The following FAT3 variants were observed in gnomAD, a reference collection of about 807,000 sequenced individuals.
The protein encoded by FAT3 is protocadherin Fat 3.
FAT3 carries 95 observed loss-of-function variants against 310.2 expected under a neutral mutation model. The observed-to-expected ratio is 0.31, with a 90% CI of 0.26 to 0.36. FAT3 has a LOEUF of 0.36. Ranked by LOEUF, FAT3 falls within the 10% of genes least tolerant of loss-of-function variation. FAT3 has a pLI of 1.00. For synonymous variants in FAT3, 2,314 were observed against 2,192.9 expected (o/e 1.06, Z -1.54); for missense variants, 5,408 against 5,715.6 (o/e 0.95, Z 1.74).
At chr11:92,291,642 T>C (rs1946700177) in intron 1 of FAT3, among the ~76,000 whole-genome samples, 1 of 152,098 alleles carries the variant, frequency 6.6e-6, no homozygotes, top group South Asian at 2.1e-4. Flanking sequence ...TTATTTCTGC[T>C]TTCCTAGGCC....
intron 3 of FAT3, among the ~76,000 whole-genome samples, chr11:92,613,478 A>G (rs998897799): frequency 6.6e-6 from 1 of 152,220 alleles, no homozygotes; most frequent in Non-Finnish European, 1.5e-5. Context: ...ATTAGAACGA[A>G]AACTGGTTCT....
intron 2 of FAT3, among the ~76,000 whole-genome samples, chr11:92,466,287 G>T (rs903797991): frequency 6.6e-6 from 1 of 152,162 alleles, no homozygotes. Flanking sequence ...CTATCTGTAT[G>T]GATGTATGGG....
intron 3 of FAT3, among the ~76,000 whole-genome samples, chr11:92,683,230 C>A (rs1943538737): frequency 6.6e-6 from 1 of 152,136 alleles, no homozygotes; most frequent in Non-Finnish European, 1.5e-5. Flanking sequence ...GCCCACAATG[C>A]TGTTTCATAA....
intron 3 of FAT3, among the ~76,000 whole-genome samples, chr11:92,682,715 G>A (rs998686058): frequency 1.3e-5 from 2 of 152,132 alleles, no homozygotes; most frequent in Non-Finnish European, 2.9e-5. Flanking sequence ...TTGGGCAAAC[G>A]GGGATGGTTG....
chr11:92,806,744 G>A (rs910003625), intron 12 of FAT3, among the ~76,000 whole-genome samples: 1 of 152,208 alleles, frequency 6.6e-6, no homozygotes, highest in Non-Finnish European at 1.5e-5. Context: ...GGGTAACACA[G>A]CCCCAAAAAT....
At chr11:92,547,706 T>C (rs558728761) in intron 3 of FAT3, among the ~76,000 whole-genome samples, 2 of 152,092 alleles carry the variant, frequency 1.3e-5, no homozygotes, top group Non-Finnish European at 2.9e-5. Context: ...CTGTCCCTCA[T>C]CAACAGCCAT....
At chr11:92,720,457 C>G (rs909766601) in intron 4 of FAT3, among the ~76,000 whole-genome samples, 1 of 152,114 alleles carries the variant, frequency 6.6e-6, no homozygotes, top group African/African-American at 2.4e-5. Flanking sequence ...CTACATAGTT[C>G]GTTTCTATAA....
chr11:92,442,553 G>A (rs1215236779), intron 2 of FAT3, among the ~76,000 whole-genome samples: 1 of 152,110 alleles, frequency 6.6e-6, no homozygotes, highest in Non-Finnish European at 1.5e-5. Context: ...CTTTTCAAAT[G>A]TAGACTTAAT....
chr11:92,320,139 T>G (rs1947572024), intron 1 of FAT3, among the ~76,000 whole-genome samples: 1 of 152,210 alleles, frequency 6.6e-6, no homozygotes, highest in South Asian at 2.1e-4. Context: ...TTTCATTTAT[T>G]AGGTTGGTGC....
Position 92,387,063 on chromosome 11 carries a change from AGTGTGTGTGT to A in FAT3, c.3292+31698_3292+31707del, listed in dbSNP as rs67529435. ...GCAATGCCCAAGGATTATGGGAGCTAGTGTGTGTGTGTGTGTGTGTGTGTGTGTGTGTGTG... is the reference window on the plus strand; with the variant it reads ...GCAATGCCCAAGGATTATGGGAGCTAGTGTGTGTGTGTGTGTGTGTGTGTG... On this transcript the variant is annotated intron_variant, in intron 2 of 27. Coordinates refer to ENST00000525166, the MANE Select transcript of FAT3 (RefSeq NM_001367949.2). Among the ~76,000 whole-genome samples, 353 of 144,248 alleles carry A rather than the reference AGTGTGTGTGT, an allele frequency of 2.4e-3. 2 individuals carry two copies. Among genetic ancestry groups the A allele is most frequent in the African/African-American group, 8.4e-3 (319 of 37,884 alleles). 94.6% of individuals were successfully genotyped at this position (144,248 alleles called of 152,430 possible).
chr11:92,815,345 G>A (rs527711473), intron 13 of FAT3, among the ~76,000 whole-genome samples: 1 of 152,108 alleles, frequency 6.6e-6, no homozygotes, highest in African/African-American at 2.4e-5. Context: ...AGGCTGAGGA[G>A]GGCAGATCAC....
chr11:92,727,912 T>G (rs1945047026), intron 4 of FAT3, among the ~76,000 whole-genome samples: 1 of 152,208 alleles, frequency 6.6e-6, no homozygotes, highest in African/African-American at 2.4e-5. Flanking sequence ...CTTGGCTGCT[T>G]TTTATTTTTA....
At chr11:92,493,565 G>A (rs1952667548) in intron 2 of FAT3, among the ~76,000 whole-genome samples, 1 of 152,064 alleles carries the variant, frequency 6.6e-6, no homozygotes, top group African/African-American at 2.4e-5. Context: ...GGGCTTGAAT[G>A]TTCCTTCTAG....
At chr11:92,749,374 A>G (rs929193033) in intron 4 of FAT3, among the ~76,000 whole-genome samples, 1 of 152,194 alleles carries the variant, frequency 6.6e-6, no homozygotes, top group Non-Finnish European at 1.5e-5. Flanking sequence ...TTTGAGGCTC[A>G]AAAGCCAGCT....
intron 6 of FAT3, among the ~76,000 whole-genome samples, chr11:92,766,283 C>G (rs1946307338): frequency 6.6e-6 from 1 of 152,070 alleles, no homozygotes; most frequent in African/African-American, 2.4e-5. Flanking sequence ...GTGTGTGTCG[C>G]CCAATCCGAC....
intron 1 of FAT3, among the ~76,000 whole-genome samples, chr11:92,304,975 A>T (rs1004416478): frequency 6.6e-6 from 1 of 152,182 alleles, no homozygotes; most frequent in Non-Finnish European, 1.5e-5. Context: ...AAGGACATAA[A>T]TGAGACCTGC....
intron 19 of FAT3, among the ~76,000 whole-genome samples, chr11:92,849,711 C>T (rs1039269548): frequency 6.6e-6 from 1 of 152,178 alleles, no homozygotes; most frequent in East Asian, 1.9e-4. Flanking sequence ...AAGCATGTCA[C>T]AATAGGTCTT....
chr11:92,787,780 AATTATTCTGAG>A, intron 7 of FAT3, among the ~76,000 whole-genome samples: 2 of 151,840 alleles, frequency 1.3e-5, no homozygotes, highest in South Asian at 4.2e-4. Flanking sequence ...AGAATGTTGG[AATTATTCTGAG>A]ATTTTTGTGC....
At position 92,565,610 on chromosome 11, in the gene FAT3, T is replaced by G. The variant is rs1197367376; in HGVS notation, c.3607+40662T>G. Among the ~76,000 whole-genome samples the G allele has an allele frequency of 6.6e-5, 10 of 151,590 alleles. No homozygotes were observed. In the East Asian group the frequency reaches 1.9e-3, roughly 29 times the overall value. Reference sequence around the variant, plus strand: ...AAAAGAGAATTTTAGACCAATATCCTTGATGAACATTGATGCAAAAATCCT... The same window carrying G: ...AAAAGAGAATTTTAGACCAATATCCGTGATGAACATTGATGCAAAAATCCT... On this transcript the variant is annotated intron_variant, in intron 3 of 27. Transcript: ENST00000525166.
Sources: gnomAD v4.1 joint callset for allele counts (sites outside exome capture counted in the v4.1 genomes callset) on GRCh38, gnomAD v4.1.1 for gene constraint, MANE v1.5 for transcripts, NCBI Gene and HGNC (gene_info 2026-07-23, HGNC 2026-07-21) for gene names.